The following TTC28 variants were observed in gnomAD, a reference collection of about 807,000 sequenced individuals.
TTC28 encodes tetratricopeptide repeat protein 28.
Under a neutral mutation model 198.0 loss-of-function variants are expected in TTC28, and 61 were observed. That is an observed-to-expected ratio of 0.31 (90% confidence interval 0.25 to 0.38). The LOEUF (loss-of-function observed/expected upper bound fraction) is 0.38. Ranked by LOEUF, TTC28 falls within the 10% of genes least tolerant of loss-of-function variation. The pLI, the probability that TTC28 is intolerant of heterozygous loss-of-function variation, is 1.00. For synonymous variants in TTC28, 1,171 were observed against 1,297.8 expected, an observed-to-expected ratio of 0.90 and a Z score of 2.10; for missense variants, 2,678 against 3,164.0, an observed-to-expected ratio of 0.85 and a Z score of 3.69.
chr22:28,362,230 G>C (rs2046170576), intron 2 of TTC28, among the ~76,000 whole-genome samples: 1 of 152,062 alleles, frequency 6.6e-6, no homozygotes, highest in Non-Finnish European at 1.5e-5. Flanking sequence ...TTGCTGTGCT[G>C]TTCTCATGAT....
chr22:28,149,042 T>C (rs992096215), intron 6 of TTC28, among the ~76,000 whole-genome samples: 1 of 152,224 alleles, frequency 6.6e-6, no homozygotes, highest in African/African-American at 2.4e-5. Flanking sequence ...TGTTAGGTGA[T>C]TTCGTCATTG....
chr22:28,231,748 A>G (rs1374158075), intron 5 of TTC28, among the ~76,000 whole-genome samples: 2 of 152,248 alleles, frequency 1.3e-5, no homozygotes, highest in Non-Finnish European at 2.9e-5. Flanking sequence ...TTGTTGTTCC[A>G]AAGAATCAAA....
intron 2 of TTC28, among the ~76,000 whole-genome samples, chr22:28,390,834 T>C (rs1023460033): frequency 6.6e-6 from 1 of 152,174 alleles, no homozygotes; most frequent in Non-Finnish European, 1.5e-5. Flanking sequence ...GAGCATTTAG[T>C]CCATTTACAT....
At chr22:28,120,640 T>A (rs5752697) in intron 6 of TTC28, among the ~76,000 whole-genome samples, 149,333 of 152,346 alleles carry the variant, frequency 0.98, 73,192 homozygotes, top group South Asian at 0.99. Flanking sequence ...GGAGGATAAG[T>A]GGACAGCATG....
At position 28,233,660 on chromosome 22, in the gene TTC28, G is replaced by A. The variant is rs148331605; in HGVS notation, c.933+62538C>T. On this transcript the variant is annotated intron_variant, in intron 5 of 22. Coordinates refer to ENST00000397906, the MANE Select transcript of TTC28 (RefSeq NM_001145418.2). Reference sequence around the variant, plus strand: ...TGTATTTGTTACAAGAGCACAATAAGCCATAACTAATGTGCATACTACAGT... The same window carrying A: ...TGTATTTGTTACAAGAGCACAATAAACCATAACTAATGTGCATACTACAGT... 2.6e-4 allele frequency among the ~76,000 whole-genome samples: 40 copies of A among 152,290 alleles called. No individual in the cohort carries two copies. In the East Asian group the frequency reaches 6.9e-3, roughly 26 times the overall value.
At chr22:28,063,118 G>A (rs1940614175) in intron 12 of TTC28, among the ~76,000 whole-genome samples, 1 of 152,106 alleles carries the variant, frequency 6.6e-6, no homozygotes, top group Admixed American at 6.6e-5. Context: ...TTTAGTTCTT[G>A]TATCTTTAGC....
intron 5 of TTC28, among the ~76,000 whole-genome samples, chr22:28,289,438 T>G (rs1252876332): frequency 1.3e-5 from 2 of 152,214 alleles, no homozygotes; most frequent in Admixed American, 6.5e-5. Flanking sequence ...CAATTAAAAT[T>G]AATTTTGAAG....
chr22:28,057,809 T>C (rs1210875507), intron 12 of TTC28, among the ~76,000 whole-genome samples: 1 of 152,180 alleles, frequency 6.6e-6, no homozygotes, highest in Non-Finnish European at 1.5e-5. Context: ...TTTTTTTCTG[T>C]AGATATACCC....
In TTC28 at chr22:28,631,103, C is replaced by A. The variant is rs1340985420; in HGVS notation, c.103-1273G>T. Among the ~76,000 whole-genome samples, 4 of 152,116 alleles carry A rather than the reference C, an allele frequency of 2.6e-5. No homozygotes were observed. In the South Asian group the frequency reaches 6.2e-4, roughly 24 times the overall value. ...CTGTGAATAGCCATTGCACTCCAGT[C>A]TGGACAACACAGTGAGACTCCATCT... On this transcript the variant is annotated intron_variant, in intron 1 of 22. Coordinates refer to ENST00000397906, the MANE Select transcript of TTC28 (RefSeq NM_001145418.2).
At chr22:28,267,413 C>T (rs533320848) in intron 5 of TTC28, among the ~76,000 whole-genome samples, 1 of 152,258 alleles carries the variant, frequency 6.6e-6, no homozygotes, top group Admixed American at 6.5e-5. Flanking sequence ...ACTCAGGACA[C>T]TAAAACAGCT....
In TTC28 at chr22:28,530,065, G is replaced by A. The variant is rs773714666; in HGVS notation, c.381+99487C>T. 8.5e-5 allele frequency among the ~76,000 whole-genome samples: 13 copies of A among 152,178 alleles called. No individual in the cohort carries two copies. The East Asian group carries it at 2.1e-3, about 25-fold the overall frequency. On this transcript the variant is annotated intron_variant, in intron 2 of 22. Coordinates refer to ENST00000397906, the MANE Select transcript of TTC28 (RefSeq NM_001145418.2). The stretch of plus-strand genomic sequence containing the variant: ...AAGCTGAACAGAGAATGACTTCGAC[G>A]GTTGAGAGAAGAAGGCTTCAGATGA...
At chr22:28,041,551 T>C (rs528248678) in intron 12 of TTC28, among the ~76,000 whole-genome samples, 2 of 152,292 alleles carry the variant, frequency 1.3e-5, no homozygotes, top group Non-Finnish European at 2.9e-5. Flanking sequence ...TGAAACTGGA[T>C]CCCTTCCTTA....
At chr22:28,646,330 T>C (rs1314765004) in intron 1 of TTC28, among the ~76,000 whole-genome samples, 1 of 152,140 alleles carries the variant, frequency 6.6e-6, no homozygotes, top group African/African-American at 2.4e-5. Flanking sequence ...ATAAAATACA[T>C]GGGAATATAC....
intron 10 of TTC28, among the ~76,000 whole-genome samples, chr22:28,098,682 A>G (rs1942043475): frequency 6.6e-6 from 1 of 151,964 alleles, no homozygotes; most frequent in Non-Finnish European, 1.5e-5. Context: ...AGGAACCAGG[A>G]CTTCTTGACT....
chr22:28,290,752 T>A (rs886876058), intron 5 of TTC28, among the ~76,000 whole-genome samples: 1 of 151,900 alleles, frequency 6.6e-6, no homozygotes, highest in African/African-American at 2.4e-5. Flanking sequence ...TCTACAAAAA[T>A]TTTTTTCAAA....
chr22:28,235,459 T>A lies in TTC28; in HGVS notation c.933+60739A>T, dbSNP rs147774634. Among the ~76,000 whole-genome samples the A allele has an allele frequency of 2.6e-5, 4 of 152,316 alleles. No individual in the cohort carries two copies. In the East Asian group the frequency reaches 7.7e-4, roughly 29 times the overall value. On this transcript the variant is annotated intron_variant, in intron 5 of 22. Transcript: ENST00000397906. ...GGTAAAACACTGCTGTAAGTGAGGT[T>A]CTAGCTAAAGTTAGATAAGAATGGG...
chr22:28,480,545 C>T (rs191743304), intron 2 of TTC28, among the ~76,000 whole-genome samples: 65 of 152,272 alleles, frequency 4.3e-4, no homozygotes, highest in African/African-American at 1.3e-3. Context: ...TTCTCTAGCG[C>T]ACTAACAATC....
intron 5 of TTC28, among the ~76,000 whole-genome samples, chr22:28,240,252 T>G (rs1929571156): frequency 6.6e-6 from 1 of 152,204 alleles, no homozygotes; most frequent in East Asian, 1.9e-4. Context: ...TTCTGTATAT[T>G]AGAGGACTGA....
chr22:28,057,466 C>G (rs1040005989), intron 12 of TTC28, among the ~76,000 whole-genome samples: 2 of 152,046 alleles, frequency 1.3e-5, no homozygotes, highest in East Asian at 1.9e-4. Flanking sequence ...AATCTTTCCA[C>G]GTTTTAAATT....
Sources: gnomAD v4.1 joint callset for allele counts (sites outside exome capture counted in the v4.1 genomes callset) on GRCh38, gnomAD v4.1.1 for gene constraint, MANE v1.5 for transcripts, NCBI Gene and HGNC (gene_info 2026-07-23, HGNC 2026-07-21) for gene names.